The following IRAG1 variants were observed in gnomAD, a reference collection of about 807,000 sequenced individuals.
IRAG1 encodes inositol 1,4,5-triphosphate receptor associated 1.
A neutral mutation model predicts 106.2 loss-of-function variants in IRAG1; 62 were observed. The observed-to-expected ratio is 0.58, with a 90% CI of 0.48 to 0.72. The LOEUF is 0.72. Ranked by LOEUF, IRAG1 falls within the 30% of genes least tolerant of loss-of-function variation. The probability of loss-of-function intolerance (pLI) is 0.00; values close to 1 mark genes in which losing one functional copy is unlikely to be tolerated. For missense variants in IRAG1, 1,064 were observed against 1,140.7 expected, an observed-to-expected ratio of 0.93 and a Z score of 0.97; for synonymous variants, 462 against 443.9, an observed-to-expected ratio of 1.04 and a Z score of -0.51.
intron 1 of IRAG1, 47 bp downstream of exon 1, chr11:10,693,488 CT>C: frequency 6.5e-7 from 1 of 1,534,858 alleles, no homozygotes; most frequent in Non-Finnish European, 8.7e-7. Flanking sequence ...GTTCCCTCCG[CT>C]TCCCAGCCGA....
rs1253510526 is a variant in IRAG1 at position 10,580,650 on chromosome 11, A to G, written c.2361-61T>C. 3.2e-6 allele frequency: 5 copies of G among 1,580,572 alleles called. No individual in the cohort carries two copies. In the African/African-American group the frequency reaches 6.8e-5, roughly 22 times the overall value. On this transcript the variant is annotated intron_variant, in intron 19 of 20. Transcript: ENST00000423302. The stretch of plus-strand genomic sequence containing the variant: ...GGCAGATGCAGTGCATCCTTTCCTG[A>G]GTTCCTAGGGGAGGGGACTTGAGCA...
chr11:10,693,712 C>T lies in IRAG1; in HGVS notation c.-110G>A. 1.5e-6 allele frequency: 2 copies of T among 1,302,974 alleles called. No individual in the cohort carries two copies. Among genetic ancestry groups the T allele is most frequent in the East Asian group, 2.5e-5 (1 of 39,570 alleles). The allele number at this position is 1,302,974 out of a possible 1,614,324, so 80.7% of individuals were successfully genotyped here. On this transcript the variant is annotated 5_prime_UTR_variant, in exon 1 of 21. Coordinates refer to ENST00000423302, the MANE Select transcript of IRAG1 (RefSeq NM_130385.4). ...AGGGGCTGGGACTTAGAGCCGAGAG[C>T]TCCTCTGGGAGCCCCACTCCGGCCT...
intron 2 of IRAG1, among the ~76,000 whole-genome samples, chr11:10,651,566 T>C (rs1475913677): frequency 6.6e-6 from 1 of 152,232 alleles, no homozygotes; most frequent in Non-Finnish European, 1.5e-5. Context: ...TTAATCTGCT[T>C]TCATCATTTC....
chr11:10,675,164 T>TCCAAAAATAGTAGCCA (rs967061525), intron 1 of IRAG1, among the ~76,000 whole-genome samples: 1 of 152,176 alleles, frequency 6.6e-6, no homozygotes, highest in African/African-American at 2.4e-5. Context: ...TGATTCAGGC[T>TCCAAAAATAGTAGCCA]CCAAAAATAG....
intron 1 of IRAG1, among the ~76,000 whole-genome samples, chr11:10,656,999 T>C (rs1858976161): frequency 6.6e-6 from 1 of 151,672 alleles, no homozygotes; most frequent in African/African-American, 2.4e-5. Context: ...GGCTAAAGAG[T>C]GGCCTACAGT....
chr11:10,628,951 T>G lies in IRAG1; in HGVS notation c.575-123A>C. On this transcript the variant is annotated intron_variant, in intron 5 of 20. Transcript: ENST00000423302. This position sits in a 1 kb window ranked among gnomAD's most constrained non-coding sequence, Gnocchi z 4.1. ...GGTCTGCCTTGCTGGGCTCAGGGGCTGATGCTGGACTGCAATATGATGCTC... is the reference window on the plus strand; with the variant it reads ...GGTCTGCCTTGCTGGGCTCAGGGGCGGATGCTGGACTGCAATATGATGCTC... 1 of 889,868 alleles carries G rather than the reference T, an allele frequency of 1.1e-6. No individual in the cohort carries two copies. The highest frequency in any genetic ancestry group is 1.7e-6 in the Non-Finnish European group (1 of 578,224). The allele number at this position is 889,868 out of a possible 1,614,324, so 55.1% of individuals were successfully genotyped here.
intron 1 of IRAG1, among the ~76,000 whole-genome samples, chr11:10,655,824 C>T (rs540559059): frequency 1.3e-5 from 2 of 152,248 alleles, no homozygotes; most frequent in Admixed American, 1.3e-4. Flanking sequence ...TGACAGAAAG[C>T]AGAATAGAAC....
At position 10,628,336 on chromosome 11, in the gene IRAG1, C is replaced by T. The variant is rs1219600734; in HGVS notation, c.653-311G>A. The stretch of plus-strand genomic sequence containing the variant: ...GCACTGATGAGGGCCGGTTGCCCTT[C>T]CTGGCACCCTCCCCCTTTCCTTGTT... On this transcript the variant is annotated intron_variant, in intron 6 of 20. Transcript: ENST00000423302. The surrounding 1 kb of genome is among the most constrained non-coding windows in gnomAD (Gnocchi z 4.1). Among the ~76,000 whole-genome samples, 2 of 152,232 alleles carry T rather than the reference C, an allele frequency of 1.3e-5. No homozygotes were observed. Among genetic ancestry groups the T allele is most frequent in the Non-Finnish European group, 2.9e-5 (2 of 68,042 alleles).
intron 2 of IRAG1, among the ~76,000 whole-genome samples, chr11:10,643,393 T>G (rs1292123600): frequency 6.6e-6 from 1 of 152,190 alleles, no homozygotes; most frequent in Non-Finnish European, 1.5e-5. Flanking sequence ...ACCAAGGGCC[T>G]GCTCTGCCTC....
rs575047540 is a variant in IRAG1, at chr11:10,633,230, A to G, written c.329+738T>C. On this transcript the variant is annotated intron_variant, in intron 3 of 20. Coordinates refer to ENST00000423302, the MANE Select transcript of IRAG1 (RefSeq NM_130385.4). ...GCTGGGACTACAGGCGCCCGCCACC[A>G]CACCCGGCTAATTTTTCTGTATTTG... Among the ~76,000 whole-genome samples the G allele has an allele frequency of 9.7e-4, 147 of 151,550 alleles. 2 individuals carry two copies. The highest frequency in any genetic ancestry group is 5.6e-3 in the Admixed American group (85 of 15,232).
At chr11:10,633,936 T>C (rs1254413603) in intron 3 of IRAG1, 32 bp downstream of exon 3, 1 of 1,332,322 alleles carries the variant, frequency 7.5e-7, no homozygotes, top group African/African-American at 1.4e-5. Context: ...GGAAATATTG[T>C]TTGTCACAAT....
At chr11:10,593,891 C>A in intron 16 of IRAG1, 1 of 572,882 alleles carries the variant, frequency 1.7e-6, no homozygotes, top group Non-Finnish European at 3.1e-6. Flanking sequence ...AGACTGTATT[C>A]AAGCTGCCTG....
In IRAG1 at chr11:10,622,253, T is replaced by TA. The variant is rs541127912; in HGVS notation, c.1447+1524dup. 2.6e-4 allele frequency among the ~76,000 whole-genome samples: 39 copies of TA among 152,022 alleles called. No homozygotes were observed. In the East Asian group the frequency reaches 7.2e-3, roughly 28 times the overall value. ...CCACTGCTTTAAGGAACAGGTACCA[T>TA]ATGACTCAGAGAGGAGGGAGATAGC... On this transcript the variant is annotated intron_variant, in intron 10 of 20. Transcript: ENST00000423302.
chr11:10,671,257 A>G (rs1860196128), intron 1 of IRAG1, among the ~76,000 whole-genome samples: 3 of 152,242 alleles, frequency 2.0e-5, no homozygotes, highest in South Asian at 4.1e-4. Context: ...CCACTAAAAA[A>G]CTATTAGGAC....
chr11:10,597,575 T>G (rs975377599), intron 15 of IRAG1, among the ~76,000 whole-genome samples: 2 of 152,202 alleles, frequency 1.3e-5, no homozygotes, highest in Non-Finnish European at 2.9e-5. Flanking sequence ...CAGGCTGGTC[T>G]CAACCTCCTG....
intron 10 of IRAG1, among the ~76,000 whole-genome samples, chr11:10,616,410 CAG>C: frequency 6.6e-6 from 1 of 151,960 alleles, no homozygotes. Flanking sequence ...TACTGGGGGA[CAG>C]AGATGTAATG....
At chr11:10,649,772 T>G (rs1230669896) in intron 2 of IRAG1, among the ~76,000 whole-genome samples, 1 of 152,044 alleles carries the variant, frequency 6.6e-6, no homozygotes, top group Non-Finnish European at 1.5e-5. Flanking sequence ...TGCCACAAAG[T>G]TGAGAGTAAG....
chr11:10,686,551 C>T (rs763407382), intron 1 of IRAG1, among the ~76,000 whole-genome samples: 10 of 152,150 alleles, frequency 6.6e-5, no homozygotes, highest in Non-Finnish European at 1.5e-4. Context: ...GAAGCTGCTC[C>T]AGTGCCCTGC....
intron 3 of IRAG1, among the ~76,000 whole-genome samples, chr11:10,632,594 G>A (rs1365129516): frequency 6.6e-6 from 1 of 152,070 alleles, no homozygotes; most frequent in East Asian, 1.9e-4. Context: ...AAATTCTCAG[G>A]CCCCAACTCA....
Sources: gnomAD v4.1 joint callset for allele counts (sites outside exome capture counted in the v4.1 genomes callset) on GRCh38, gnomAD v4.1.1 for gene constraint, Gnocchi (gnomAD v3.1) non-coding constraint, MANE v1.5 for transcripts, NCBI Gene and HGNC (gene_info 2026-07-23, HGNC 2026-07-21) for gene names.